Variants in PDZRN3 observed in about 807,000 individuals in gnomAD.
PDZRN3 encodes the protein PDZ domain containing ring finger 3, also known as E3 ubiquitin-protein ligase PDZRN3.
A neutral mutation model predicts 85.7 loss-of-function variants in PDZRN3; 38 were observed. The observed-to-expected ratio is 0.44, with a 90% CI of 0.34 to 0.58. The LOEUF (loss-of-function observed/expected upper bound fraction) is 0.58. Among genes scored for constraint, PDZRN3 ranks in the 20% least tolerant of loss-of-function variants. PDZRN3 has a pLI of 0.01. For missense variants in PDZRN3, 1,629 were observed against 1,506.4 expected (o/e 1.08, Z -1.35); for synonymous variants, 759 against 638.0 (o/e 1.19, Z -2.86).
At chr3:73,497,845 G>A (rs7621619) in intron 3 of PDZRN3, among the ~76,000 whole-genome samples, 17,992 of 150,450 alleles carry the variant, frequency 0.12, 1,960 homozygotes, top group African/African-American at 0.29. Flanking sequence ...TGATGGGGAC[G>A]TAACAGGGGC....
At chr3:73,424,682 A>T (rs963511871) in intron 3 of PDZRN3, among the ~76,000 whole-genome samples, 2 of 151,858 alleles carry the variant, frequency 1.3e-5, no homozygotes, top group African/African-American at 4.9e-5. Context: ...GAAAAATCCA[A>T]CAGAGAAGAG....
chr3:73,423,807 T>A (rs1391911245), intron 3 of PDZRN3, among the ~76,000 whole-genome samples: 5 of 152,216 alleles, frequency 3.3e-5, no homozygotes, highest in Non-Finnish European at 7.3e-5. Context: ...TGGAGGCTTT[T>A]AATAAAAGAT....
rs1701313138 is a variant in PDZRN3 at position 73,384,554 on chromosome 3, AGGG to A, written c.2009_2011del (p.Pro670del). The A allele has an allele frequency of 6.2e-7, 1 of 1,613,616 alleles. No homozygotes were observed. The highest frequency in any genetic ancestry group is 8.5e-7 in the Non-Finnish European group (1 of 1,180,014). On this transcript the variant is annotated inframe_deletion, in exon 10 of 10. Transcript: ENST00000263666. ...CTCAGGGTCACTCTTGCCGGCGTCC[AGGG>A]GGCCGCTAGGGTAGTACAGGCCGTA...
At chr3:73,589,245 A>T (rs1191717480) in intron 3 of PDZRN3, among the ~76,000 whole-genome samples, 1 of 152,130 alleles carries the variant, frequency 6.6e-6, no homozygotes, top group Non-Finnish European at 1.5e-5. Flanking sequence ...GCTGACTCAG[A>T]ATGAAAGGAA....
chr3:73,622,111 C>T (rs141211087), intron 1 of PDZRN3, among the ~76,000 whole-genome samples: 18 of 152,330 alleles, frequency 1.2e-4, no homozygotes, highest in African/African-American at 3.4e-4. Flanking sequence ...CTAAATCTGG[C>T]GCCTGATTGA....
At chr3:73,582,746 C>A (rs1244054746) in intron 3 of PDZRN3, among the ~76,000 whole-genome samples, 1 of 152,014 alleles carries the variant, frequency 6.6e-6, no homozygotes, top group Admixed American at 6.6e-5. Flanking sequence ...AAGGCACTTA[C>A]CCCGCGTCTC....
chr3:73,565,044 G>A (rs568056667), intron 3 of PDZRN3, among the ~76,000 whole-genome samples: 4 of 151,702 alleles, frequency 2.6e-5, no homozygotes, highest in African/African-American at 9.7e-5. Flanking sequence ...CACAATATCA[G>A]ACAGCATAGC....
intron 3 of PDZRN3, among the ~76,000 whole-genome samples, chr3:73,594,715 T>C (rs995345305): frequency 6.8e-6 from 1 of 147,764 alleles, no homozygotes; most frequent in Admixed American, 6.8e-5. Context: ...TTACCTGTGT[T>C]AGAGTCTTCT....
At chr3:73,399,860 G>A (rs1039217129) in intron 5 of PDZRN3, among the ~76,000 whole-genome samples, 6 of 152,112 alleles carry the variant, frequency 3.9e-5, no homozygotes, top group Non-Finnish European at 7.4e-5. Context: ...GACTGTATCT[G>A]GCTAACCATC....
rs944849292 is a variant in PDZRN3 at position 73,504,343 on chromosome 3, G to A, written c.918+98011C>T. 7.9e-4 allele frequency among the ~76,000 whole-genome samples: 120 copies of A among 152,290 alleles called. 2 individuals carry two copies. The highest frequency in any genetic ancestry group is 2.9e-4 in the Non-Finnish European group (20 of 68,024). On this transcript the variant is annotated intron_variant, in intron 3 of 9. Coordinates refer to ENST00000263666, the MANE Select transcript of PDZRN3 (RefSeq NM_015009.3). Reference sequence around the variant, plus strand: ...CTTGGACACATAAAGGCGCCATTCAGGAAGAATAGATTTGTTTTTACTCAG... The same window carrying A: ...CTTGGACACATAAAGGCGCCATTCAAGAAGAATAGATTTGTTTTTACTCAG...
intron 3 of PDZRN3, among the ~76,000 whole-genome samples, chr3:73,483,545 GGCTGCCACATAGTTAA>G (rs1309012026): frequency 6.6e-6 from 1 of 152,216 alleles, no homozygotes; most frequent in Non-Finnish European, 1.5e-5. Flanking sequence ...TGGGGAAAGT[GGCTGCCACATAGTTAA>G]GCAAATATAT....
chr3:73,474,478 GT>G, intron 3 of PDZRN3: 2 of 1,286,986 alleles, frequency 1.6e-6, no homozygotes, highest in Non-Finnish European at 2.0e-6. Flanking sequence ...CCACCATGGG[GT>G]TTATGTATTA....
intron 3 of PDZRN3, among the ~76,000 whole-genome samples, chr3:73,513,008 C>T (rs943491967): frequency 6.6e-6 from 1 of 152,094 alleles, no homozygotes; most frequent in Admixed American, 6.5e-5. Flanking sequence ...TACACACACA[C>T]ACAAAGAAGA....
At chr3:73,414,098 TTAAGACAAAAG>T (rs1702029004) in intron 3 of PDZRN3, among the ~76,000 whole-genome samples, 1 of 152,222 alleles carries the variant, frequency 6.6e-6, no homozygotes, top group South Asian at 2.1e-4. Flanking sequence ...AATAGTACAG[TTAAGACAAAAG>T]TAATGTCAGT....
intron 3 of PDZRN3, among the ~76,000 whole-genome samples, chr3:73,466,781 G>A (rs1703227412): frequency 6.6e-6 from 1 of 152,064 alleles, no homozygotes; most frequent in Non-Finnish European, 1.5e-5. Context: ...CCCCAATGAG[G>A]TCTCTGGTTT....
chr3:73,446,271 A>C (rs1314791366), intron 3 of PDZRN3, among the ~76,000 whole-genome samples: 1 of 152,236 alleles, frequency 6.6e-6, no homozygotes, highest in African/African-American at 2.4e-5. Flanking sequence ...CAGGAAAAGG[A>C]ATAAATACAG....
At chr3:73,419,220 C>CAG (rs1038214655) in intron 3 of PDZRN3, among the ~76,000 whole-genome samples, 23 of 151,956 alleles carry the variant, frequency 1.5e-4, no homozygotes, top group East Asian at 3.9e-4. Context: ...AGGGGTTTTT[C>CAG]AGAGAGAGAG....
At chr3:73,442,321 C>T (rs908169939) in intron 3 of PDZRN3, among the ~76,000 whole-genome samples, 2 of 152,088 alleles carry the variant, frequency 1.3e-5, no homozygotes, top group Admixed American at 6.6e-5. Flanking sequence ...ATTCAGGTGG[C>T]GGGCCTTTGC....
intron 3 of PDZRN3, among the ~76,000 whole-genome samples, chr3:73,440,096 G>A (rs1702605828): frequency 6.6e-6 from 1 of 151,938 alleles, no homozygotes; most frequent in Non-Finnish European, 1.5e-5. Flanking sequence ...TTGAGGTGCC[G>A]CTGTCTTGAG....
Sources: gnomAD v4.1 joint callset for allele counts (sites outside exome capture counted in the v4.1 genomes callset) on GRCh38, gnomAD v4.1.1 for gene constraint, MANE v1.5 for transcripts, NCBI Gene and HGNC (gene_info 2026-07-23, HGNC 2026-07-21) for gene names.